Variants in TEX9 observed in about 807,000 individuals in gnomAD.
TEX9 encodes testis-expressed protein 9.
TEX9 carries 74 observed loss-of-function variants against 59.6 expected under a neutral mutation model. The ratio of observed to expected loss-of-function variants is 1.24; its 90% CI spans 1.03 to 1.51. The LOEUF (loss-of-function observed/expected upper bound fraction) is 1.51. Among genes scored for constraint, TEX9 ranks in the 40% most tolerant of loss-of-function variants. TEX9 has a pLI of 0.00. For missense variants in TEX9, 522 were observed against 447.8 expected (o/e 1.17, Z -1.49); for synonymous variants, 186 against 152.2 (o/e 1.22, Z -1.64).
intron 1 of TEX9, among the ~76,000 whole-genome samples, chr15:56,341,786 A>G (rs947644581): frequency 7.9e-5 from 12 of 152,228 alleles, no homozygotes; most frequent in Admixed American, 3.9e-4. Context: ...ATATAAAAAT[A>G]TAAAAATATA....
At chr15:56,419,763 G>T (rs1826096221) in intron 10 of TEX9, among the ~76,000 whole-genome samples, 1 of 151,678 alleles carries the variant, frequency 6.6e-6, no homozygotes, top group South Asian at 2.1e-4. Flanking sequence ...TTGGTTTCAG[G>T]GTAATGCTGC....
intron 9 of TEX9, among the ~76,000 whole-genome samples, chr15:56,404,017 A>G (rs2048938567): frequency 6.6e-6 from 1 of 152,216 alleles, no homozygotes; most frequent in African/African-American, 2.4e-5. Flanking sequence ...TAGACCTAAA[A>G]CCATAAAATC....
chr15:56,454,752 C>G, the TEX9 span, among the ~76,000 whole-genome samples: 1 of 152,146 alleles, frequency 6.6e-6, no homozygotes, highest in African/African-American at 2.4e-5. Flanking sequence ...AATACATCTG[C>G]TAGAACTTTG....
chr15:56,363,562 C>A (rs779065403), upstream of TEX9, among the ~76,000 whole-genome samples: 9 of 152,124 alleles, frequency 5.9e-5, no homozygotes, highest in Non-Finnish European at 1.3e-4. Flanking sequence ...TACTGAGCAT[C>A]TTTTCATGTG....
At chr15:56,283,929 G>A (rs1445504669) in intron 1 of TEX9, among the ~76,000 whole-genome samples, 1 of 152,150 alleles carries the variant, frequency 6.6e-6, no homozygotes, top group African/African-American at 2.4e-5. Flanking sequence ...TATGGGAAAT[G>A]TCTAACCTCA....
At chr15:56,455,506 T>G in the TEX9 span, among the ~76,000 whole-genome samples, 1 of 152,164 alleles carries the variant, frequency 6.6e-6, no homozygotes, top group African/African-American at 2.4e-5. Flanking sequence ...TCCTGTAATA[T>G]TCTACAGACG....
intron 1 of TEX9, among the ~76,000 whole-genome samples, chr15:56,330,817 A>G (rs1255950818): frequency 6.6e-6 from 1 of 152,088 alleles, no homozygotes; most frequent in Non-Finnish European, 1.5e-5. Flanking sequence ...TAATAATAAG[A>G]TTGAATGTAA....
At chr15:56,286,732 A>C (rs1346679848) in intron 1 of TEX9, among the ~76,000 whole-genome samples, 3 of 152,220 alleles carry the variant, frequency 2.0e-5, no homozygotes, top group Admixed American at 6.5e-5. Context: ...TCAGGATTAG[A>C]AAGTTGAAAT....
At chr15:56,431,522 T>G in intron 12 of TEX9, 1 of 1,612,848 alleles carries the variant, frequency 6.2e-7, no homozygotes, top group Admixed American at 1.7e-5. Context: ...TCAAATTTTG[T>G]TATCACAAAG....
At chr15:56,342,442 A>G (rs1031919009) in intron 1 of TEX9, among the ~76,000 whole-genome samples, 50 of 152,160 alleles carry the variant, frequency 3.3e-4, no homozygotes, top group African/African-American at 1.0e-3. Flanking sequence ...GCCGCTTGCA[A>G]CAAGAAACTT....
At chr15:56,410,962 C>T (rs1275311460) in intron 9 of TEX9, among the ~76,000 whole-genome samples, 1 of 152,160 alleles carries the variant, frequency 6.6e-6, no homozygotes, top group African/African-American at 2.4e-5. Flanking sequence ...TGTTTAGAAA[C>T]CTACATAAAG....
intron 8 of TEX9, 154 bp from the exon 9 acceptor site, chr15:56,394,507 T>C (rs1465681512): frequency 4.5e-6 from 3 of 668,914 alleles, no homozygotes; most frequent in Admixed American, 6.8e-5. Flanking sequence ...AATAAAACAT[T>C]TGACTTCCAT....
At position 56,373,506 on chromosome 15, in the gene TEX9, T is replaced by G; in HGVS notation, c.183+2T>G. The G allele has an allele frequency of 6.4e-7, 1 of 1,560,144 alleles. No homozygotes were observed. Among genetic ancestry groups the G allele is most frequent in the Admixed American group, 2.2e-5 (1 of 44,742 alleles). ...GTTCAACAAGCTAAGGAAATAATAG[T>G]AAGTATATGTACAATTATTAATAAT... On this transcript the variant is annotated splice_donor_variant, in intron 3 of 12. Transcript: ENST00000352903. LOFTEE classifies it high-confidence loss of function.
At chr15:56,302,413 C>T (rs2141574215) in intron 1 of TEX9, among the ~76,000 whole-genome samples, 1 of 151,772 alleles carries the variant, frequency 6.6e-6, no homozygotes, top group East Asian at 1.9e-4. Context: ...CCCAGCTACT[C>T]AGAAAGCTGA....
At chr15:56,408,380 G>A (rs1412313195) in intron 9 of TEX9, 1 of 152,138 alleles carries the variant, frequency 6.6e-6, no homozygotes, top group Non-Finnish European at 1.5e-5. Flanking sequence ...TTTGGCTTCT[G>A]GAGCACCACA....
At chr15:56,361,917 G>T (rs1220639662), upstream of TEX9, among the ~76,000 whole-genome samples, 1 of 146,592 alleles carries the variant, frequency 6.8e-6, no homozygotes, top group Non-Finnish European at 1.5e-5. Flanking sequence ...TAGTCCTGGT[G>T]ATACTTCTAG....
At chr15:56,423,479 C>A (rs1394453900) in intron 10 of TEX9, among the ~76,000 whole-genome samples, 1 of 152,120 alleles carries the variant, frequency 6.6e-6, no homozygotes, top group East Asian at 1.9e-4. Context: ...GTTCCATGTG[C>A]ACTTGAGAAA....
exon 8 of TEX9, chr15:56,394,218 G>A (rs2142324921): frequency 1.2e-6 from 2 of 1,608,534 alleles, no homozygotes; most frequent in East Asian, 2.2e-5. Flanking sequence ...GGAGGAATTG[G>A]ATAATGTTGT....
chr15:56,309,693 G>GGTTTTTTT (rs2045560814), intron 1 of TEX9, among the ~76,000 whole-genome samples: 3 of 60,772 alleles, frequency 4.9e-5, no homozygotes, highest in Non-Finnish European at 8.4e-5. Flanking sequence ...TTTATGGGAA[G>GGTTTTTTT]TTTTTTTTTT....
Sources: allele counts gnomAD v4.1 joint callset (sites outside exome capture counted in the v4.1 genomes callset), GRCh38; gene constraint gnomAD v4.1.1; transcripts MANE v1.5; gene names NCBI Gene and HGNC (gene_info 2026-07-23, HGNC 2026-07-21).